Variants in FAM185A observed in about 807,000 individuals in gnomAD.
The protein encoded by FAM185A is protein FAM185A.
FAM185A carries 21 observed loss-of-function variants against 45.7 expected under a neutral mutation model. That is an observed-to-expected ratio of 0.46 (90% confidence interval 0.33 to 0.66). The LOEUF is 0.66. FAM185A is among the 30% of genes least tolerant of loss of function. The pLI is 0.03. For synonymous variants in FAM185A, 117 were observed against 194.0 expected (o/e 0.60, Z 3.30); for missense variants, 305 against 485.4 (o/e 0.63, Z 3.49).
chr7:102,826,048 A>AC, the FAM185A span, among the ~76,000 whole-genome samples: 3 of 151,538 alleles, frequency 2.0e-5, no homozygotes, highest in Non-Finnish European at 4.4e-5. Context: ...AATATATGTG[A>AC]TTTTTTTTTA....
chr7:102,759,662 A>C (rs62484872), intron 3 of FAM185A, among the ~76,000 whole-genome samples: 3,655 of 152,210 alleles, frequency 0.024, 81 homozygotes, highest in Admixed American at 0.033. Flanking sequence ...CCATTCACTA[A>C]GCTCTATAAC....
At chr7:102,837,074 T>G in the FAM185A span, among the ~76,000 whole-genome samples, 1 of 152,244 alleles carries the variant, frequency 6.6e-6, no homozygotes, top group African/African-American at 2.4e-5. Flanking sequence ...AGATATCAAC[T>G]AAATACAAAA....
At chr7:102,833,902 T>A in the FAM185A span, among the ~76,000 whole-genome samples, 1 of 151,710 alleles carries the variant, frequency 6.6e-6, no homozygotes, top group Admixed American at 6.6e-5. Flanking sequence ...TAAGAATCCA[T>A]GAGGAAATAA....
chr7:102,846,896 G>C, the FAM185A span, among the ~76,000 whole-genome samples: 2,130 of 152,188 alleles, frequency 0.014, 115 homozygotes, highest in East Asian at 0.16. Context: ...ACTGACGGTG[G>C]CTGTCTGCCT....
chr7:102,834,150 C>G, the FAM185A span, among the ~76,000 whole-genome samples: 11,763 of 118,236 alleles, frequency 0.099, 1,042 homozygotes, highest in Middle Eastern at 0.15. Flanking sequence ...AAAGAGAAGA[C>G]AAGAGAAAAG....
chr7:102,759,311 TCA>T (rs1451153122), intron 3 of FAM185A, among the ~76,000 whole-genome samples: 4 of 152,114 alleles, frequency 2.6e-5, no homozygotes. Flanking sequence ...CTGTTTCCTC[TCA>T]GTTATTTATT....
At chr7:102,838,073 CCTT>C in the FAM185A span, among the ~76,000 whole-genome samples, 2 of 152,184 alleles carry the variant, frequency 1.3e-5, no homozygotes, top group South Asian at 4.1e-4. Context: ...TAAGCCCAGT[CCTT>C]CTTCTCACTC....
intron 6 of FAM185A, among the ~76,000 whole-genome samples, chr7:102,777,930 A>C (rs1325678716): frequency 1.3e-5 from 2 of 152,208 alleles, no homozygotes; most frequent in Admixed American, 6.5e-5. Context: ...TCTGAAAGCT[A>C]AATATGAATT....
the FAM185A span, among the ~76,000 whole-genome samples, chr7:102,823,751 A>G: frequency 6.6e-6 from 1 of 152,244 alleles, no homozygotes; most frequent in Non-Finnish European, 1.5e-5. Context: ...TTGTTTTAAC[A>G]TAAAGTTAAA....
rs1198895658 is a variant in FAM185A, at chr7:102,749,201, G to A, written c.-7G>A. ...AGTGTTCTGAGGACTGGCGAGAGAG[G>A]CGCGCCATGCTTGCCCCCTGCTCAG... On this transcript the variant is annotated 5_prime_UTR_variant, in exon 1 of 8. Transcript: ENST00000413034. The A allele has an allele frequency of 6.4e-7, 1 of 1,551,222 alleles. No homozygotes were observed. The highest frequency in any genetic ancestry group is 1.7e-4 in the Middle Eastern group (1 of 5,972).
chr7:102,826,755 A>ATATATATATATATGTG, the FAM185A span, among the ~76,000 whole-genome samples: 1 of 114,734 alleles, frequency 8.7e-6, no homozygotes, highest in Non-Finnish European at 1.8e-5. Flanking sequence ...ATATATATAT[A>ATATATATATATATGTG]TATATATATA....
chr7:102,826,748 T>C, the FAM185A span, among the ~76,000 whole-genome samples: 8 of 102,654 alleles, frequency 7.8e-5, no homozygotes, highest in Admixed American at 1.1e-4. Context: ...TATATATATA[T>C]ATATATATAT....
intron 7 of FAM185A, among the ~76,000 whole-genome samples, chr7:102,800,923 C>T (rs181837990): frequency 1.2e-3 from 190 of 152,232 alleles, no homozygotes; most frequent in Admixed American, 4.4e-3. Context: ...TTCTCGTAGG[C>T]ACATTGACAT....
At chr7:102,826,193 T>C in the FAM185A span, among the ~76,000 whole-genome samples, 60 of 152,282 alleles carry the variant, frequency 3.9e-4, 2 homozygotes, top group East Asian at 3.1e-3. Flanking sequence ...GTAATTTTAC[T>C]AGCACTTCTG....
intron 4 of FAM185A, 142 bp downstream of exon 4, chr7:102,761,553 A>G (rs1033475611): frequency 9.5e-5 from 65 of 684,960 alleles, no homozygotes; most frequent in African/African-American, 8.8e-4. Context: ...AAAAAAAAAA[A>G]CCATAAAAAT....
chr7:102,805,318 A>AAT (rs1215050931), intron 7 of FAM185A, among the ~76,000 whole-genome samples: 6 of 152,002 alleles, frequency 3.9e-5, no homozygotes, highest in East Asian at 1.9e-4. Context: ...AAGAAACTGG[A>AAT]ATATATATAT....
At chr7:102,827,089 A>C in the FAM185A span, 1 of 445,872 alleles carries the variant, frequency 2.2e-6, no homozygotes, top group Non-Finnish European at 4.6e-6. Flanking sequence ...GCTTTGACCA[A>C]AGGAATGGAG....
intron 7 of FAM185A, among the ~76,000 whole-genome samples, chr7:102,806,312 G>A (rs1797109496): frequency 1.3e-5 from 2 of 152,138 alleles, no homozygotes; most frequent in Admixed American, 1.3e-4. Context: ...AGCCTCCCAA[G>A]TAGCTGGGAT....
intron 7 of FAM185A, among the ~76,000 whole-genome samples, chr7:102,789,097 A>G (rs1795996046): frequency 6.6e-6 from 1 of 152,174 alleles, no homozygotes; most frequent in South Asian, 2.1e-4. Context: ...TTTCTTCAAT[A>G]ATAAATTAGC....
Sources: allele counts gnomAD v4.1 joint callset (sites outside exome capture counted in the v4.1 genomes callset), GRCh38; gene constraint gnomAD v4.1.1; transcripts MANE v1.5; gene names NCBI Gene and HGNC (gene_info 2026-07-23, HGNC 2026-07-21).